MPDZ: variants seen among roughly 807,000 people sequenced by gnomAD.
MPDZ encodes the protein multiple PDZ domain protein.
MPDZ carries 234 observed loss-of-function variants against 239.1 expected under a neutral mutation model. That is an observed-to-expected ratio of 0.98 (90% CI 0.88 to 1.09). The LOEUF (loss-of-function observed/expected upper bound fraction) is 1.09. Among genes scored for constraint, MPDZ ranks in the 50% least tolerant of loss-of-function variants. The probability of loss-of-function intolerance (pLI) is 0.00; values close to 1 mark genes in which losing one functional copy is unlikely to be tolerated. For missense variants in MPDZ, 3,175 were observed against 2,510.0 expected, an observed-to-expected ratio of 1.26 and a Z score of -5.66; for synonymous variants, 1,048 against 881.3, an observed-to-expected ratio of 1.19 and a Z score of -3.35.
In MPDZ at chr9:13,110,749, GA is replaced by G. The variant is rs930075620; in HGVS notation, c.5725-10del. The G allele has an allele frequency of 1.9e-6, 3 of 1,607,228 alleles. No individual in the cohort carries two copies. The African/African-American group carries it at 4.0e-5, about 21-fold the overall frequency. ...ACAATCCTATCCCCAACCTGCAAGG[GA>G]GAGAAAGAAACAGCCATCTGCTAAA... On this transcript the variant is annotated splice_polypyrimidine_tract_variant and intron_variant, in intron 43 of 46. Transcript: ENST00000319217.
chr9:13,113,483 A>T (rs1452664705), intron 41 of MPDZ, among the ~76,000 whole-genome samples: 1 of 152,196 alleles, frequency 6.6e-6, no homozygotes, highest in Non-Finnish European at 1.5e-5. Context: ...CAATTTGAAC[A>T]ACTCTCAACC....
chr9:13,157,892 A>G, intron 24 of MPDZ, 126 bp downstream of exon 24: 2 of 740,972 alleles, frequency 2.7e-6, no homozygotes, highest in Non-Finnish European at 2.3e-6. Context: ...ATGATGGGTT[A>G]GAAGTATTAA....
At chr9:13,169,401 A>G (rs1311821683) in intron 21 of MPDZ, among the ~76,000 whole-genome samples, 1 of 152,092 alleles carries the variant, frequency 6.6e-6, no homozygotes, top group Non-Finnish European at 1.5e-5. Context: ...TTCAAAGTAG[A>G]AATACCGGGG....
At chr9:13,181,645 G>A (rs1953348086) in intron 19 of MPDZ, among the ~76,000 whole-genome samples, 1 of 152,048 alleles carries the variant, frequency 6.6e-6, no homozygotes, top group African/African-American at 2.4e-5. Flanking sequence ...AACTGCTTGG[G>A]GAAAACAAAA....
intron 35 of MPDZ, among the ~76,000 whole-genome samples, chr9:13,124,354 A>G (rs1156468039): frequency 6.6e-6 from 1 of 152,196 alleles, no homozygotes; most frequent in African/African-American, 2.4e-5. Context: ...TTACTTTAAG[A>G]CTTTTTCATC....
intron 1 of MPDZ, among the ~76,000 whole-genome samples, chr9:13,263,567 A>G (rs1326817345): frequency 1.3e-5 from 2 of 152,216 alleles, no homozygotes; most frequent in Non-Finnish European, 2.9e-5. Context: ...TATATCTCAT[A>G]AAGAATCATT....
chr9:13,192,067 A>C (rs547907256), intron 15 of MPDZ, 64 bp downstream of exon 15: 2 of 1,328,062 alleles, frequency 1.5e-6, no homozygotes, highest in African/African-American at 1.5e-5. Context: ...TGCTTAAAAA[A>C]TTTTAAGCCA....
intron 35 of MPDZ, among the ~76,000 whole-genome samples, chr9:13,124,377 A>T (rs1257890177): frequency 6.6e-6 from 1 of 152,226 alleles, no homozygotes; most frequent in East Asian, 1.9e-4. Flanking sequence ...ACTACATTAC[A>T]AATGATTTAA....
Position 13,143,521 on chromosome 9 carries a change from T to G in MPDZ, c.3785A>C (p.Tyr1262Ser), listed in dbSNP as rs1444673475. ...AAATGGGTTAGTGCTGCTGAAGTTGTACTTAGGGTAAAGGTTGTGCAGCAA... is the reference window on the plus strand; with the variant it reads ...AAATGGGTTAGTGCTGCTGAAGTTGGACTTAGGGTAAAGGTTGTGCAGCAA... ...PSLLHNLYPKYNFSSTNPFAD... is the reference protein window; with the variant it reads ...PSLLHNLYPKSNFSSTNPFAD... The change falls in exon 27 of 47, where the codon TAC (tyrosine) becomes TCC (serine). Residue 1262 changes from tyrosine to serine, a missense_variant. Tyr to Ser is a moderately radical substitution (Grantham distance 144). Coordinates refer to ENST00000319217, the MANE Select transcript of MPDZ (RefSeq NM_001378778.1). 6.2e-7 allele frequency: 1 copy of G among 1,613,150 alleles called. No individual in the cohort carries two copies. The highest frequency in any genetic ancestry group is 8.5e-7 in the Non-Finnish European group (1 of 1,179,252).
At chr9:13,188,284 G>C (rs148898218) in intron 17 of MPDZ, among the ~76,000 whole-genome samples, 1 of 152,232 alleles carries the variant, frequency 6.6e-6, no homozygotes, top group African/African-American at 2.4e-5. Flanking sequence ...TTGGGAGGCT[G>C]AGGTAGGGGG....
intron 1 of MPDZ, among the ~76,000 whole-genome samples, chr9:13,251,392 C>A (rs1967972072): frequency 6.6e-6 from 1 of 152,274 alleles, no homozygotes; most frequent in South Asian, 2.1e-4. Context: ...TAACTAGATT[C>A]TTTGAAATAC....
intron 24 of MPDZ, among the ~76,000 whole-genome samples, chr9:13,152,513 G>A (rs1229279827): frequency 6.6e-6 from 1 of 152,054 alleles, no homozygotes; most frequent in African/African-American, 2.4e-5. Context: ...CACCATGTGA[G>A]ATGTGTCTTT....
At position 13,171,823 on chromosome 9, in the gene MPDZ, C is replaced by G. The variant is rs531881111; in HGVS notation, c.3056-3259G>C. 1.2e-4 allele frequency among the ~76,000 whole-genome samples: 19 copies of G among 152,150 alleles called. No individual in the cohort carries two copies. The East Asian group carries it at 2.3e-3, about 19-fold the overall frequency. ...CATCACTAGACAAAGAAAAAATTAG[C>G]CACAAAGCTAAAACTGCAAACAACT... On this transcript the variant is annotated intron_variant, in intron 21 of 46. Transcript: ENST00000319217.
At position 13,236,267 on chromosome 9, in the gene MPDZ, ATTT is replaced by A. The variant is rs1158772302; in HGVS notation, c.183+11365_183+11367del. Among the ~76,000 whole-genome samples the A allele has an allele frequency of 3.3e-3, 67 of 20,084 alleles. 5 individuals are homozygous for A. The highest frequency in any genetic ancestry group is 7.9e-3 in the East Asian group (3 of 378). The allele number at this position is 20,084 out of a possible 152,430, so 13.2% of individuals were successfully genotyped here. A position where few individuals can be genotyped will look rare whatever the true frequency, so the allele number is the denominator to read the frequency against. On this transcript the variant is annotated intron_variant, in intron 3 of 46. Coordinates refer to ENST00000319217, the MANE Select transcript of MPDZ (RefSeq NM_001378778.1). ...TGTGTGTGTATATATATATATATAT[ATTT>A]TTTTTTTTTTTTTTTTTTTTTTTTG...
chr9:13,153,893 A>G (rs1949506032), intron 24 of MPDZ, among the ~76,000 whole-genome samples: 1 of 152,150 alleles, frequency 6.6e-6, no homozygotes, highest in Non-Finnish European at 1.5e-5. Context: ...AGTGATTCTT[A>G]TGACTTCTTG....
intron 1 of MPDZ, among the ~76,000 whole-genome samples, chr9:13,254,636 A>G (rs1968973674): frequency 6.6e-6 from 1 of 152,242 alleles, no homozygotes; most frequent in Non-Finnish European, 1.5e-5. Context: ...CCACTGCAAT[A>G]AAGTGAATCT....
Position 13,220,519 on chromosome 9 carries a change from T to C in MPDZ, c.877-751A>G, listed in dbSNP as rs141610415. On this transcript the variant is annotated intron_variant, in intron 7 of 46. Coordinates refer to ENST00000319217, the MANE Select transcript of MPDZ (RefSeq NM_001378778.1). ...GAAGAGTGCAGCTCCACATTGAAGATAAAGCATGTAAATATCACATGCTAG... is the reference window on the plus strand; with the variant it reads ...GAAGAGTGCAGCTCCACATTGAAGACAAAGCATGTAAATATCACATGCTAG... 7.0e-4 allele frequency among the ~76,000 whole-genome samples: 107 copies of C among 152,128 alleles called. 1 individual carries two copies. Among genetic ancestry groups the C allele is most frequent in the African/African-American group, 2.4e-3 (101 of 41,548 alleles).
chr9:13,162,851 T>C, intron 22 of MPDZ, 56 bp from the exon 23 acceptor site: 2 of 1,187,914 alleles, frequency 1.7e-6, no homozygotes, highest in Non-Finnish European at 2.5e-6. Flanking sequence ...GCCTAATTGT[T>C]AGGAAAAGCT....
chr9:13,264,359 T>C (rs1971339709), intron 1 of MPDZ, among the ~76,000 whole-genome samples: 2 of 152,144 alleles, frequency 1.3e-5, no homozygotes, highest in Non-Finnish European at 2.9e-5. Context: ...ATTATATATA[T>C]TTTATGATAC....
Sources: gnomAD v4.1 joint callset for allele counts (sites outside exome capture counted in the v4.1 genomes callset) on GRCh38, gnomAD v4.1.1 for gene constraint, MANE v1.5 for transcripts, NCBI Gene and HGNC (gene_info 2026-07-23, HGNC 2026-07-21) for gene names.